Variants in EXOC1 observed in about 807,000 individuals in gnomAD.
EXOC1 encodes the protein SEC3-like 1.
In EXOC1, 67 loss-of-function variants were observed where a neutral mutation model predicts 107.7. The ratio of observed to expected loss-of-function variants is 0.62; its 90% CI spans 0.51 to 0.76. The LOEUF is 0.76. Among genes scored for constraint, EXOC1 ranks in the 30% least tolerant of loss-of-function variants. The probability of loss-of-function intolerance (pLI) is 0.00; values close to 1 mark genes in which losing one functional copy is unlikely to be tolerated. For missense variants in EXOC1, 833 were observed against 1,055.7 expected (o/e 0.79, Z 2.92); for synonymous variants, 348 against 353.5 (o/e 0.98, Z 0.17).
At chr4:55,860,936 C>T (rs1375470082) in intron 3 of EXOC1, among the ~76,000 whole-genome samples, 1 of 146,428 alleles carries the variant, frequency 6.8e-6, no homozygotes, top group Non-Finnish European at 1.5e-5. Context: ...TTGAGGCCAC[C>T]ATGGCTTTGA....
intron 1 of EXOC1, among the ~76,000 whole-genome samples, chr4:55,857,497 TAATC>T (rs1428991583): frequency 1.3e-5 from 2 of 152,164 alleles, no homozygotes; most frequent in Non-Finnish European, 2.9e-5. Context: ...AGCCGAATAA[TAATC>T]CATTGTATGG....
At chr4:55,872,002 A>G (rs764527809) in intron 8 of EXOC1, 44 bp downstream of exon 8, 22 of 1,525,652 alleles carry the variant, frequency 1.4e-5, no homozygotes, top group Non-Finnish European at 1.8e-5. Context: ...CCTATAGCTT[A>G]TTTATGTATT....
rs577773208 is a variant in EXOC1, at chr4:55,893,317, A to G, written c.1725-235A>G. ...GTACTTTTGGTAGAGACAGGGTTTT[A>G]CCATGTTGGCCAAGCTGGTCTTGAA... On this transcript the variant is annotated intron_variant, in intron 14 of 18. Transcript: ENST00000381295. Among the ~76,000 whole-genome samples the G allele has an allele frequency of 8.5e-5, 13 of 152,188 alleles. No individual in the cohort carries two copies. The East Asian group carries it at 2.3e-3, about 27-fold the overall frequency.
At chr4:55,860,260 G>A in intron 2 of EXOC1, 151 bp from the exon 3 acceptor site, 3 of 780,926 alleles carry the variant, frequency 3.8e-6, no homozygotes, top group Non-Finnish European at 5.7e-6. Flanking sequence ...TTAGGATTCT[G>A]TGCTTTCCTC....
chr4:55,871,978 A>T lies in EXOC1; in HGVS notation c.1074+20A>T, dbSNP rs74862929. On this transcript the variant is annotated intron_variant, in intron 8 of 18. Coordinates refer to ENST00000381295, the MANE Select transcript of EXOC1 (RefSeq NM_001024924.2). ...CAACAGGTAATTTTATTTTATTATT[A>T]AAACGAGCATGTTCCTATAGCTTAT... The T allele has an allele frequency of 5.0e-3, 7,956 of 1,600,700 alleles. 95 individuals carry two copies. Among genetic ancestry groups the T allele is most frequent in the African/African-American group, 0.048 (3,572 of 74,652 alleles).
chr4:55,885,286 C>T (rs920392673), intron 10 of EXOC1, among the ~76,000 whole-genome samples: 2 of 151,998 alleles, frequency 1.3e-5, no homozygotes, highest in Non-Finnish European at 2.9e-5. Flanking sequence ...CTGAGTAGGT[C>T]ATTAATCCCA....
At chr4:55,899,391 A>G (rs1333249827) in intron 16 of EXOC1, among the ~76,000 whole-genome samples, 2 of 152,102 alleles carry the variant, frequency 1.3e-5, no homozygotes, top group African/African-American at 4.8e-5. Context: ...CATATATTAA[A>G]ATGGTCCAGC....
At chr4:55,875,779 T>C (rs537215363) in intron 8 of EXOC1, 1 of 985,210 alleles carries the variant, frequency 1.0e-6, no homozygotes, top group Non-Finnish European at 1.2e-6. Flanking sequence ...AGGCACATAG[T>C]TTAGGCCAGG....
At chr4:55,900,514 G>A (rs998666296) in intron 17 of EXOC1, 1 of 152,010 alleles carries the variant, frequency 6.6e-6, no homozygotes, top group Non-Finnish European at 1.5e-5. Flanking sequence ...ACAAGATAGT[G>A]AAAGCTTAAA....
rs1726445536 is a variant in EXOC1 at position 55,905,021 on chromosome 4, T to C, written c.*526T>C. On this transcript the variant is annotated 3_prime_UTR_variant, in exon 19 of 19. Transcript: ENST00000381295. ...AAATAAATTTTCAAAAAAGTTGACA[T>C]TTGATAATATTTTTAGGTCTATCAT... 1 of 152,270 alleles carries C rather than the reference T, an allele frequency of 6.6e-6. No homozygotes were observed. Among genetic ancestry groups the C allele is most frequent in the Non-Finnish European group, 1.5e-5 (1 of 68,068 alleles). The allele number at this position is 152,270 out of a possible 1,614,324, so 9.4% of individuals were successfully genotyped here.
At chr4:55,871,266 A>G (rs374158149) in intron 7 of EXOC1, 33 bp downstream of exon 7, 13 of 1,593,826 alleles carry the variant, frequency 8.2e-6, no homozygotes, top group South Asian at 2.2e-5. Context: ...AAATGTGACC[A>G]AGAATGTGAG....
rs71601607 is a variant in EXOC1 at position 55,886,567 on chromosome 4, C to A, written c.1331-2321C>A. Among the ~76,000 whole-genome samples, 1,027 of 119,460 alleles carry A rather than the reference C, an allele frequency of 8.6e-3. 4 individuals are homozygous for A. The highest frequency in any genetic ancestry group is 0.013 in the Non-Finnish European group (734 of 54,458). 78.4% of individuals were successfully genotyped at this position (119,460 alleles called of 152,430 possible). On this transcript the variant is annotated intron_variant, in intron 10 of 18. Coordinates refer to ENST00000381295, the MANE Select transcript of EXOC1 (RefSeq NM_001024924.2). ...GACCCTGTCTCAAAAAACAAAAAAA[C>A]AAAAAAACAAAAAAAAAAAAAACAA...
chr4:55,901,176 T>C (rs548932430), intron 17 of EXOC1, among the ~76,000 whole-genome samples: 55 of 152,304 alleles, frequency 3.6e-4, no homozygotes, highest in Non-Finnish European at 6.0e-4. Flanking sequence ...ATAAGAGATA[T>C]GGAAAACAGA....
intron 11 of EXOC1, among the ~76,000 whole-genome samples, chr4:55,889,435 G>C (rs529690009): frequency 1.6e-4 from 25 of 152,072 alleles, no homozygotes; most frequent in African/African-American, 6.0e-4. Context: ...TTAATTCCTT[G>C]GTGTATGTGA....
Position 55,860,512 on chromosome 4 carries a change from G to C in EXOC1, c.226G>C (p.Ala76Pro). Residue 76 changes from alanine to proline, a missense_variant, in exon 3 of 19, where the codon GCT (alanine) becomes CCT (proline). Physicochemically the swap from Ala to Pro is conservative, Grantham distance 27. Coordinates refer to ENST00000381295, the MANE Select transcript of EXOC1 (RefSeq NM_001024924.2). Reference sequence around the variant, plus strand: ...GATTGCATGGGCCCTTCGAGATCTTGCTGTGGTAGATGCCAAAGATGCTAT... The same window carrying C: ...GATTGCATGGGCCCTTCGAGATCTTCCTGTGGTAGATGCCAAAGATGCTAT... ...RQIAWALRDL[A>P]VVDAKDAIKE... 1 of 1,614,046 alleles carries C rather than the reference G, an allele frequency of 6.2e-7. No individual in the cohort carries two copies. The highest frequency in any genetic ancestry group is 8.5e-7 in the Non-Finnish European group (1 of 1,179,934).
At chr4:55,868,973 T>G (rs534246247) in intron 5 of EXOC1, among the ~76,000 whole-genome samples, 1 of 152,290 alleles carries the variant, frequency 6.6e-6, no homozygotes, top group East Asian at 1.9e-4. Context: ...GTGAGTGTGG[T>G]GAAAACAGGA....
At chr4:55,856,060 A>G (rs1355004936) in intron 1 of EXOC1, among the ~76,000 whole-genome samples, 1 of 152,206 alleles carries the variant, frequency 6.6e-6, no homozygotes, top group Non-Finnish European at 1.5e-5. Flanking sequence ...ATAAGGATTT[A>G]CAACAATAGT....
chr4:55,895,599 A>C (rs1395484879), intron 15 of EXOC1, among the ~76,000 whole-genome samples: 1 of 152,174 alleles, frequency 6.6e-6, no homozygotes, highest in Non-Finnish European at 1.5e-5. Context: ...TACTCCCCAA[A>C]TCTCAACACA....
At chr4:55,900,801 C>T (rs940582777) in intron 17 of EXOC1, 7 of 152,104 alleles carry the variant, frequency 4.6e-5, no homozygotes, top group African/African-American at 1.2e-4. Context: ...TCACTTGATC[C>T]TAGGAGGTGG....
Sources: allele counts gnomAD v4.1 joint callset (sites outside exome capture counted in the v4.1 genomes callset), GRCh38; gene constraint gnomAD v4.1.1; transcripts MANE v1.5; gene names NCBI Gene and HGNC (gene_info 2026-07-23, HGNC 2026-07-21).